The following ACOX3 variants were observed in gnomAD, a reference collection of about 807,000 sequenced individuals.
ACOX3 encodes acyl-CoA oxidase 3, pristanoyl, also known as peroxisomal acyl-coenzyme A oxidase 3.
A neutral mutation model predicts 81.5 loss-of-function variants in ACOX3; 73 were observed. The observed-to-expected ratio is 0.90, with a 90% confidence interval of 0.74 to 1.09. The LOEUF is 1.09. ACOX3 is among the 50% of genes least tolerant of loss of function. The pLI is 0.00. For synonymous variants in ACOX3, 387 were observed against 375.1 expected (o/e 1.03, Z -0.37); for missense variants, 947 against 928.0 (o/e 1.02, Z -0.27).
At chr4:8,395,587 C>T (rs1187055381) in intron 9 of ACOX3, among the ~76,000 whole-genome samples, 1 of 152,248 alleles carries the variant, frequency 6.6e-6, no homozygotes, top group Admixed American at 6.5e-5. Flanking sequence ...ATCATCAGTT[C>T]TAACTTACAA....
intron 1 of ACOX3, among the ~76,000 whole-genome samples, chr4:8,427,390 T>G (rs1487363792): frequency 6.6e-6 from 1 of 152,200 alleles, no homozygotes; most frequent in Non-Finnish European, 1.5e-5. Flanking sequence ...TGAGCTGAGC[T>G]TTTGCTTGCC....
chr4:8,438,390 C>G (rs1356914142), intron 1 of ACOX3, among the ~76,000 whole-genome samples: 1 of 152,146 alleles, frequency 6.6e-6, no homozygotes, highest in Non-Finnish European at 1.5e-5. Context: ...CGAGCAGCTA[C>G]TGAAAAAAAT....
Position 8,400,532 on chromosome 4 carries a change from A to C in ACOX3, c.777-880T>G, listed in dbSNP as rs924118446. ...TCACTTCTTTTGAACAGCTGAGCAT[A>C]GGATTACACACACATTGTTATGGAT... On this transcript the variant is annotated intron_variant, in intron 7 of 17. Transcript: ENST00000356406. This position sits in a 1 kb window ranked among gnomAD's most constrained non-coding sequence, Gnocchi z 4.4. Among the ~76,000 whole-genome samples, 4 of 152,230 alleles carry C rather than the reference A, an allele frequency of 2.6e-5. No individual in the cohort carries two copies. The highest frequency in any genetic ancestry group is 5.9e-5 in the Non-Finnish European group (4 of 68,034).
chr4:8,370,150 G>C lies in ACOX3; in HGVS notation c.1983+758C>G, dbSNP rs1364340879. Among the ~76,000 whole-genome samples the C allele has an allele frequency of 6.6e-6, 1 of 152,238 alleles. No homozygotes were observed. Among genetic ancestry groups the C allele is most frequent in the Non-Finnish European group, 1.5e-5 (1 of 68,044 alleles). On this transcript the variant is annotated intron_variant, in intron 17 of 17. Coordinates refer to ENST00000356406, the MANE Select transcript of ACOX3 (RefSeq NM_003501.3). The surrounding 1 kb of genome is among the most constrained non-coding windows in gnomAD (Gnocchi z 6.3). ...TCAGCTTATACTGAAAGAATGGAAG[G>C]CACTCCAGGCAGCCCGAGCAGCAGG...
intron 1 of ACOX3, among the ~76,000 whole-genome samples, chr4:8,434,317 G>A (rs889791403): frequency 7.2e-5 from 11 of 152,310 alleles, no homozygotes; most frequent in Admixed American, 3.9e-4. Flanking sequence ...GCTTCCGGCC[G>A]AATAAACCTC....
chr4:8,398,617 A>G (rs1010959809), intron 8 of ACOX3, among the ~76,000 whole-genome samples: 2 of 152,178 alleles, frequency 1.3e-5, no homozygotes, highest in Non-Finnish European at 2.9e-5. Context: ...AACGGACCAC[A>G]GGCACACGCT....
At chr4:8,415,380 C>G (rs1050753060) in intron 3 of ACOX3, among the ~76,000 whole-genome samples, 1 of 151,886 alleles carries the variant, frequency 6.6e-6, no homozygotes, top group Non-Finnish European at 1.5e-5. Flanking sequence ...AGGAAAAACA[C>G]AGGTTTCTCC....
In ACOX3 at chr4:8,375,073, G is replaced by T; in HGVS notation, c.1733C>A (p.Pro578His). 1 of 1,554,704 alleles carries T rather than the reference G, an allele frequency of 6.4e-7. No individual in the cohort carries two copies. The highest frequency in any genetic ancestry group is 2.4e-5 in the East Asian group (1 of 41,760). The change falls in exon 15 of 18, where the codon CCT (proline) becomes CAT (histidine). Residue 578 changes from proline (P) to histidine (H), a missense_variant. Physicochemically the swap from Pro to His is moderately conservative, Grantham distance 77. Coordinates refer to ENST00000356406, the MANE Select transcript of ACOX3 (RefSeq NM_003501.3). ...GGCCCGCAGCGAGGGCGGCACGGAA[G>T]GCTGGTGCACGTGCTCGTGGAACCT... ...VQRFHEHVHQ[P>H]SVPPSLRAVL...
intron 1 of ACOX3, among the ~76,000 whole-genome samples, chr4:8,434,173 C>A (rs972558750): frequency 6.6e-6 from 1 of 152,172 alleles, no homozygotes; most frequent in Non-Finnish European, 1.5e-5. Flanking sequence ...TCCATGTAGC[C>A]CCCAGTCACG....
rs941303138 is a variant in ACOX3 at position 8,381,995 on chromosome 4, T to G, written c.1538-388A>C. Among the ~76,000 whole-genome samples the G allele has an allele frequency of 1.3e-5, 2 of 152,256 alleles. No individual in the cohort carries two copies. Among genetic ancestry groups the G allele is most frequent in the Non-Finnish European group, 2.9e-5 (2 of 68,044 alleles). On this transcript the variant is annotated intron_variant, in intron 13 of 17. Coordinates refer to ENST00000356406, the MANE Select transcript of ACOX3 (RefSeq NM_003501.3). This position sits in a 1 kb window ranked among gnomAD's most constrained non-coding sequence, Gnocchi z 4.3. The stretch of plus-strand genomic sequence containing the variant: ...CTGCCTCCACAGCATCAGCCAGGAC[T>G]GCATGGGCAGCAGGACAACTGGCCG...
chr4:8,363,308 T>C (rs1244746763), downstream of ACOX3, among the ~76,000 whole-genome samples: 1 of 152,230 alleles, frequency 6.6e-6, no homozygotes, highest in Non-Finnish European at 1.5e-5. Flanking sequence ...GTTGTACTCT[T>C]TGTGTAGGAA....
chr4:8,406,887 G>A lies in ACOX3; in HGVS notation c.688-844C>T, dbSNP rs1721039613. Among the ~76,000 whole-genome samples the A allele has an allele frequency of 6.6e-6, 1 of 152,240 alleles. No individual in the cohort carries two copies. Among genetic ancestry groups the A allele is most frequent in the Non-Finnish European group, 1.5e-5 (1 of 68,040 alleles). ...TCACAGGGAGACGGTTAGTCCTCCG[G>A]ATAACTGCGGGCAAGCCTGACAAAT... is the stretch of plus-strand genomic sequence containing the variant. On this transcript the variant is annotated intron_variant, in intron 6 of 17. Coordinates refer to ENST00000356406, the MANE Select transcript of ACOX3 (RefSeq NM_003501.3). The surrounding 1 kb of genome is among the most constrained non-coding windows in gnomAD (Gnocchi z 5.6).
chr4:8,357,956 G>A, the ACOX3 span: 1 of 154,164 alleles, frequency 6.5e-6, no homozygotes, highest in Non-Finnish European at 1.4e-5. Flanking sequence ...GGGAAGGAGG[G>A]CTCGGGATGC....
chr4:8,438,204 T>C (rs1315835447), intron 1 of ACOX3, among the ~76,000 whole-genome samples: 1 of 152,224 alleles, frequency 6.6e-6, no homozygotes, highest in Non-Finnish European at 1.5e-5. Flanking sequence ...AAAGTATTGT[T>C]AAAAGACATT....
At chr4:8,408,076 G>A (rs893335886) in intron 6 of ACOX3, among the ~76,000 whole-genome samples, 4 of 152,122 alleles carry the variant, frequency 2.6e-5, no homozygotes, top group African/African-American at 9.7e-5. Context: ...TGGTGCTACG[G>A]GGAATTTAGC....
intron 14 of ACOX3, among the ~76,000 whole-genome samples, chr4:8,376,729 C>T (rs529849185): frequency 1.3e-5 from 2 of 152,246 alleles, no homozygotes; most frequent in Non-Finnish European, 2.9e-5. Context: ...CAGCATGGGG[C>T]CTTGGGGCTT....
intron 5 of ACOX3, among the ~76,000 whole-genome samples, chr4:8,412,998 G>A (rs532982986): frequency 9.1e-6 from 1 of 110,468 alleles, no homozygotes; most frequent in Non-Finnish European, 1.8e-5. Context: ...CTGTCTCACT[G>A]CACCCCTGCA....
At chr4:8,360,374 A>G in the ACOX3 span, among the ~76,000 whole-genome samples, 1 of 152,248 alleles carries the variant, frequency 6.6e-6, no homozygotes, top group Non-Finnish European at 1.5e-5. Context: ...TTATTGGCAA[A>G]ATAAAAATAT....
chr4:8,420,651 G>T (rs1722840683), intron 1 of ACOX3, among the ~76,000 whole-genome samples: 1 of 152,212 alleles, frequency 6.6e-6, no homozygotes, highest in Non-Finnish European at 1.5e-5. Flanking sequence ...CCCCCCCGTT[G>T]AATGGGAGCT....
Sources: allele counts gnomAD v4.1 joint callset (sites outside exome capture counted in the v4.1 genomes callset), GRCh38; gene constraint gnomAD v4.1.1; non-coding constraint Gnocchi (gnomAD v3.1); transcripts MANE v1.5; gene names NCBI Gene and HGNC (gene_info 2026-07-23, HGNC 2026-07-21).